ATL3: variants seen among roughly 807,000 people sequenced by gnomAD.
The protein encoded by ATL3 is atlastin GTPase 3, also known as atlastin-3.
In ATL3, 49 loss-of-function variants were observed where a neutral mutation model predicts 69.5. That is an observed-to-expected ratio of 0.71 (90% CI 0.56 to 0.89). The LOEUF (loss-of-function observed/expected upper bound fraction) is 0.89, where lower values mean the gene tolerates loss of function less well. ATL3 is among the 40% of genes least tolerant of loss of function. ATL3 has a pLI of 0.00. For missense variants in ATL3, 606 were observed against 645.7 expected (o/e 0.94, Z 0.67); for synonymous variants, 214 against 224.1 (o/e 0.95, Z 0.40).
chr11:63,654,699 A>ATTT (rs545924501), intron 3 of ATL3, among the ~76,000 whole-genome samples: 1 of 132,590 alleles, frequency 7.5e-6, no homozygotes, highest in Admixed American at 7.7e-5. Flanking sequence ...TGTCTGGCCT[A>ATTT]TTTTTTTTTT....
intron 1 of ATL3, among the ~76,000 whole-genome samples, chr11:63,661,999 G>A (rs931703280): frequency 6.6e-5 from 10 of 151,896 alleles, no homozygotes; most frequent in African/African-American, 2.2e-4. Context: ...GTCACCTGAG[G>A]TCAGGAGTTC....
intron 5 of ATL3, chr11:63,650,584 T>A (rs774121263): frequency 1.3e-5 from 2 of 152,226 alleles, no homozygotes; most frequent in Non-Finnish European, 2.9e-5. Context: ...AACAGCCTTG[T>A]CATGTGAGAC....
At chr11:63,666,451 AAT>A (rs1940575043) in intron 1 of ATL3, among the ~76,000 whole-genome samples, 1 of 152,104 alleles carries the variant, frequency 6.6e-6, no homozygotes, top group Non-Finnish European at 1.5e-5. Context: ...AACCTGTGGA[AAT>A]ATACAAATTT....
In ATL3 at chr11:63,657,187, C is replaced by T. The variant is rs961059385; in HGVS notation, c.405+1574G>A. Among the ~76,000 whole-genome samples the T allele has an allele frequency of 8.1e-5, 10 of 123,244 alleles. No individual in the cohort carries two copies. The South Asian group carries it at 2.5e-3, about 31-fold the overall frequency. The allele number at this position is 123,244 out of a possible 152,430, so 80.9% of individuals were successfully genotyped here. A position where few individuals can be genotyped will look rare whatever the true frequency, so the allele number is the denominator to read the frequency against. On this transcript the variant is annotated intron_variant, in intron 3 of 12. Coordinates refer to ENST00000398868, the MANE Select transcript of ATL3 (RefSeq NM_015459.5). ...TGGTGCCACTGCACTCCAGCCTGGGCAACAGAGTGAGACTACATCTCAAAA... is the reference window on the plus strand; with the variant it reads ...TGGTGCCACTGCACTCCAGCCTGGGTAACAGAGTGAGACTACATCTCAAAA...
At chr11:63,632,935 G>T in intron 11 of ATL3, 91 bp downstream of exon 11, 1 of 1,195,752 alleles carries the variant, frequency 8.4e-7, no homozygotes, top group Non-Finnish European at 1.2e-6. Flanking sequence ...ATCACTTAAA[G>T]ATACATTAAG....
rs994868602 is a variant in ATL3 at position 63,627,396 on chromosome 11, A to G, written c.*1923T>C. 2.4e-4 allele frequency: 36 copies of G among 152,354 alleles called. No individual in the cohort carries two copies. Among genetic ancestry groups the G allele is most frequent in the African/African-American group, 7.9e-4 (33 of 41,596 alleles). 9.4% of individuals were successfully genotyped at this position (152,354 alleles called of 1,614,324 possible). On this transcript the variant is annotated 3_prime_UTR_variant, in exon 13 of 13. Transcript: ENST00000398868. Reference sequence around the variant, plus strand: ...GAATAAAATAGCAAGAACTATTTGCAAGATGGCATATAAATATGAAACAAT... The same window carrying G: ...GAATAAAATAGCAAGAACTATTTGCGAGATGGCATATAAATATGAAACAAT...
Position 63,625,446 on chromosome 11 carries a change from T to C in ATL3, c.*3873A>G, listed in dbSNP as rs1463602427. ...AAATTAAAAACTGTTTTATTAAAGTTTTAATTTTTAAAAAATTAAAAAATT... is the reference window on the plus strand; with the variant it reads ...AAATTAAAAACTGTTTTATTAAAGTCTTAATTTTTAAAAAATTAAAAAATT... On this transcript the variant is annotated 3_prime_UTR_variant, in exon 13 of 13. Transcript: ENST00000398868. 6.6e-6 allele frequency: 1 copy of C among 151,970 alleles called. No homozygotes were observed. Among genetic ancestry groups the C allele is most frequent in the Admixed American group, 6.6e-5 (1 of 15,224 alleles). 9.4% of individuals were successfully genotyped at this position (151,970 alleles called of 1,614,324 possible).
rs373327011 is a variant in ATL3, at chr11:63,633,693, C to A, written c.1036-596G>T. On this transcript the variant is annotated intron_variant, in intron 10 of 12. Coordinates refer to ENST00000398868, the MANE Select transcript of ATL3 (RefSeq NM_015459.5). ...GCCACCACACCTGGCTCCATTGCTC[C>A]AACTTTAAGAAATAGATGTGAGTCA... Among the ~76,000 whole-genome samples, 36 of 137,830 alleles carry A rather than the reference C, an allele frequency of 2.6e-4. No homozygotes were observed. In the East Asian group the frequency reaches 4.0e-3, roughly 15 times the overall value. 90.4% of individuals were successfully genotyped at this position (137,830 alleles called of 152,430 possible).
Position 63,640,634 on chromosome 11 carries a change from T to G in ATL3, c.850+2723A>C, listed in dbSNP as rs1165316230. The stretch of plus-strand genomic sequence containing the variant: ...TTTTTTTTTTTTTGAGACAGGGTTT[T>G]GCTCTTGTCGCCCAGGCTGGAGTGC... On this transcript the variant is annotated intron_variant, in intron 8 of 12. Coordinates refer to ENST00000398868, the MANE Select transcript of ATL3 (RefSeq NM_015459.5). Among the ~76,000 whole-genome samples, 3 of 147,842 alleles carry G rather than the reference T, an allele frequency of 2.0e-5. No homozygotes were observed. In the East Asian group the frequency reaches 5.9e-4, roughly 29 times the overall value.
chr11:63,649,066 A>C (rs1311490236), intron 5 of ATL3, among the ~76,000 whole-genome samples: 2 of 152,156 alleles, frequency 1.3e-5, no homozygotes, highest in East Asian at 1.9e-4. Context: ...GATTGCAGTG[A>C]GTGAGCCAAG....
chr11:63,639,522 G>A (rs1355521023), intron 8 of ATL3, among the ~76,000 whole-genome samples: 5 of 152,208 alleles, frequency 3.3e-5, no homozygotes, highest in Admixed American at 6.5e-5. Context: ...TGAAGTGGAA[G>A]GTGGGAGGAT....
Position 63,633,008 on chromosome 11 carries a change from G to A in ATL3, c.1107+18C>T, listed in dbSNP as rs750394859. On this transcript the variant is annotated intron_variant, in intron 11 of 12. Coordinates refer to ENST00000398868, the MANE Select transcript of ATL3 (RefSeq NM_015459.5). ...CCAGATTATAGATATTTCAGAATAA[G>A]GCGTATGTCCCACGTACCTCTTCCA... 1 of 1,608,996 alleles carries A rather than the reference G, an allele frequency of 6.2e-7. No individual in the cohort carries two copies.
Position 63,659,181 on chromosome 11 carries a change from C to T in ATL3, c.118G>A (p.Glu40Lys), listed in dbSNP as rs1940349244. Residue 40 changes from glutamate (E) to lysine (K), a missense_variant, in exon 2 of 13, where the codon GAG (glutamate) becomes AAG (lysine). Glu to Lys is a moderately conservative substitution (Grantham distance 56, BLOSUM62 1). Transcript: ENST00000398868. ...VLVQKDQHSF[E>K]LDEKALASIL... is the part of the protein sequence containing the mutation. ...CTGGCCAAGGCTTTCTCATCTAGCT[C>T]AAAGGAATGTTGATCTTTCTGAACC... 1 of 1,613,892 alleles carries T rather than the reference C, an allele frequency of 6.2e-7. No homozygotes were observed. Among genetic ancestry groups the T allele is most frequent in the Admixed American group, 1.7e-5 (1 of 59,958 alleles).
intron 6 of ATL3, 110 bp from the exon 7 acceptor site, chr11:63,644,371 G>C: frequency 4.5e-6 from 2 of 448,786 alleles, no homozygotes; most frequent in Non-Finnish European, 3.9e-6. Flanking sequence ...GGGTAAAGTA[G>C]AAGGATTTAC....
upstream of ATL3, chr11:63,671,460 G>A: frequency 6.7e-7 from 1 of 1,481,900 alleles, no homozygotes; most frequent in Non-Finnish European, 8.9e-7. Context: ...AAACTAGCCA[G>A]AAGGTGGGGC....
chr11:63,652,509 T>C lies in ATL3; in HGVS notation c.472A>G (p.Thr158Ala). The change falls in exon 4 of 13, where the codon ACC becomes GCC. Residue 158 changes from threonine (T) to alanine (A), a missense_variant. By Grantham distance (58) the Thr-to-Ala change is moderately conservative. Transcript: ENST00000398868. ...GTCATAGTGCTTAGAGCAAAGATGG[T>C]AGCACAGTCTTTCACAGTTGACTGG... ...DSQSTVKDCA[T>A]IFALSTMTSS... is the part of the protein sequence containing the mutation. The C allele has an allele frequency of 2.5e-6, 4 of 1,611,608 alleles. No individual in the cohort carries two copies. Among genetic ancestry groups the C allele is most frequent in the Non-Finnish European group, 3.4e-6 (4 of 1,178,328 alleles).
chr11:63,650,785 GA>G (rs796148793), intron 5 of ATL3: 26 of 152,262 alleles, frequency 1.7e-4, no homozygotes, highest in African/African-American at 6.3e-4. Context: ...AAGGAGCTTA[GA>G]AAGGAATAAA....
chr11:63,667,722 C>T (rs1040081435), intron 1 of ATL3, among the ~76,000 whole-genome samples: 3 of 150,742 alleles, frequency 2.0e-5, no homozygotes, highest in Admixed American at 1.3e-4. Flanking sequence ...TGAGATCGCG[C>T]CATTGCACTC....
chr11:63,633,459 G>A (rs1165902599), intron 10 of ATL3, among the ~76,000 whole-genome samples: 1 of 151,856 alleles, frequency 6.6e-6, no homozygotes, highest in African/African-American at 2.4e-5. Flanking sequence ...CCAGGCTGGA[G>A]TTCAGTGGTA....
Sources: allele counts gnomAD v4.1 joint callset (sites outside exome capture counted in the v4.1 genomes callset), GRCh38; gene constraint gnomAD v4.1.1; transcripts MANE v1.5; gene names NCBI Gene and HGNC (gene_info 2026-07-23, HGNC 2026-07-21).